Variants in INSR observed in about 807,000 individuals in gnomAD.
INSR encodes insulin receptor, also known as IR.
INSR carries 67 observed loss-of-function variants against 142.6 expected under a neutral mutation model. That is an observed-to-expected ratio of 0.47 (90% CI 0.39 to 0.58). The LOEUF is 0.58. INSR is among the 20% of genes least tolerant of loss of function. The pLI, the probability that INSR is intolerant of heterozygous loss-of-function variation, is 0.00. For synonymous variants in INSR, 756 were observed against 743.1 expected (o/e 1.02, Z -0.28); for missense variants, 1,248 against 1,833.2 (o/e 0.68, Z 5.83).
chr19:7,270,817 T>G (rs752938805), intron 1 of INSR, among the ~76,000 whole-genome samples: 1 of 150,306 alleles, frequency 6.7e-6, no homozygotes, highest in Non-Finnish European at 1.5e-5. Flanking sequence ...TCCCAGCACT[T>G]TGGGAGGCCA....
intron 2 of INSR, among the ~76,000 whole-genome samples, chr19:7,189,658 C>T (rs1198698929): frequency 6.7e-6 from 1 of 149,516 alleles, no homozygotes; most frequent in Non-Finnish European, 1.5e-5. Flanking sequence ...ATTGATTTTA[C>T]TATTACTTTT....
chr19:7,270,606 T>G (rs1283137951), intron 1 of INSR, among the ~76,000 whole-genome samples: 1 of 151,586 alleles, frequency 6.6e-6, no homozygotes, highest in African/African-American at 2.4e-5. Flanking sequence ...TAATAATAAT[T>G]AAATATCCAG....
intron 2 of INSR, among the ~76,000 whole-genome samples, chr19:7,217,875 G>C (rs1175880162): frequency 6.6e-6 from 1 of 152,002 alleles, no homozygotes; most frequent in Admixed American, 6.6e-5. Context: ...TTTTTCTTTT[G>C]TAAAAACAAA....
At position 7,149,932 on chromosome 19, in the gene INSR, AGAAAGAAGGAAGGAAGGAAGGAAGGAAG is replaced by A. The variant is rs1442775012; in HGVS notation, c.2267+537_2267+564del. ...AGGAAAGAAAGAAAGAAGGAAAAAA[AGAAAGAAGGAAGGAAGGAAGGAAGGAAG>A]GAAGGAAGGAAGGAAGGAAGGAAGG... On this transcript the variant is annotated intron_variant, in intron 11 of 21. Coordinates refer to ENST00000302850, the MANE Select transcript of INSR (RefSeq NM_000208.4). Among the ~76,000 whole-genome samples, 6 of 136,294 alleles carry A rather than the reference AGAAAGAAGGAAGGAAGGAAGGAAGGAAG, an allele frequency of 4.4e-5. No individual in the cohort carries two copies. In the East Asian group the frequency reaches 9.1e-4, roughly 21 times the overall value. 89.4% of individuals were successfully genotyped at this position (136,294 alleles called of 152,430 possible). A position where few individuals can be genotyped will look rare whatever the true frequency, so the allele number is the denominator to read the frequency against.
chr19:7,202,666 A>G (rs1303459760), intron 2 of INSR, among the ~76,000 whole-genome samples: 1 of 151,862 alleles, frequency 6.6e-6, no homozygotes, highest in Non-Finnish European at 1.5e-5. Context: ...ACCCTCAGCT[A>G]ATTTTTGTAC....
At chr19:7,274,527 G>A (rs538840863) in intron 1 of INSR, among the ~76,000 whole-genome samples, 27 of 151,928 alleles carry the variant, frequency 1.8e-4, no homozygotes, top group African/African-American at 4.6e-4. Context: ...TCGCCCAGGC[G>A]TGGTGGCTCA....
Position 7,184,324 on chromosome 19 carries a change from A to T in INSR, c.966T>A (p.Asn322Lys). The stretch of plus-strand genomic sequence containing the variant: ...CCACATCCAGAACTCACTTGCTGGA[A>T]TTCATCGTGTACCCGGAGGGACACT... Reference protein sequence around the residue: ...IPECPSGYTMNSSNLLCTPCL... With the variant: ...IPECPSGYTMKSSNLLCTPCL... The change falls in exon 3 of 22, where the codon AAT (asparagine) becomes AAA (lysine). Residue 322 changes from asparagine to lysine, a missense_variant. Transcript: ENST00000302850. The T allele has an allele frequency of 6.2e-7, 1 of 1,613,786 alleles. No homozygotes were observed. Among genetic ancestry groups the T allele is most frequent in the Non-Finnish European group, 8.5e-7 (1 of 1,179,978 alleles).
At chr19:7,146,395 C>A (rs1231658207) in intron 11 of INSR, among the ~76,000 whole-genome samples, 1 of 152,050 alleles carries the variant, frequency 6.6e-6, no homozygotes, top group Non-Finnish European at 1.5e-5. Flanking sequence ...GCGTGTGCCA[C>A]CATGTCTGGC....
At chr19:7,177,707 T>G (rs1406474789) in intron 3 of INSR, among the ~76,000 whole-genome samples, 2 of 138,806 alleles carry the variant, frequency 1.4e-5, no homozygotes, top group East Asian at 4.0e-4. Context: ...TTTGTATTTT[T>G]TTTTTTTTTT....
chr19:7,134,348 G>A (rs1972856340), intron 13 of INSR, among the ~76,000 whole-genome samples: 1 of 152,158 alleles, frequency 6.6e-6, no homozygotes, highest in African/African-American at 2.4e-5. Flanking sequence ...GCCTTTCCCT[G>A]CAACTCCCAG....
chr19:7,280,409 T>G (rs1968175499), intron 1 of INSR, among the ~76,000 whole-genome samples: 1 of 151,834 alleles, frequency 6.6e-6, no homozygotes, highest in African/African-American at 2.4e-5. Context: ...GAGACCCGTC[T>G]CTACCAAAAA....
At chr19:7,161,941 G>A (rs906223815) in intron 9 of INSR, among the ~76,000 whole-genome samples, 2 of 152,124 alleles carry the variant, frequency 1.3e-5, no homozygotes, top group Non-Finnish European at 2.9e-5. Context: ...CCAGCGCTTT[G>A]GGAGGCTGAG....
At chr19:7,185,942 C>T (rs1295590851) in intron 2 of INSR, among the ~76,000 whole-genome samples, 3 of 148,446 alleles carry the variant, frequency 2.0e-5, no homozygotes, top group Non-Finnish European at 4.4e-5. Flanking sequence ...TGCCTGTAAT[C>T]CTAGCACTTT....
At chr19:7,252,104 T>C (rs937935701) in intron 2 of INSR, among the ~76,000 whole-genome samples, 1 of 151,704 alleles carries the variant, frequency 6.6e-6, no homozygotes, top group African/African-American at 2.4e-5. Context: ...CGAAACCCTG[T>C]CTCTACTGAA....
chr19:7,226,364 C>A (rs1463238248), intron 2 of INSR, among the ~76,000 whole-genome samples: 1 of 137,588 alleles, frequency 7.3e-6, no homozygotes, highest in Non-Finnish European at 1.5e-5. Flanking sequence ...GAGCCAAGAT[C>A]GCACCACTGC....
chr19:7,185,463 C>A (rs1445337427), intron 2 of INSR, among the ~76,000 whole-genome samples: 1 of 148,938 alleles, frequency 6.7e-6, no homozygotes, highest in Non-Finnish European at 1.5e-5. Flanking sequence ...AATCTAGATA[C>A]TGTGGCCACT....
chr19:7,190,549 T>A (rs1974553896), intron 2 of INSR, among the ~76,000 whole-genome samples: 1 of 152,022 alleles, frequency 6.6e-6, no homozygotes, highest in Non-Finnish European at 1.5e-5. Flanking sequence ...TTTTTGTATT[T>A]TTAGTAGAGA....
chr19:7,177,510 G>C (rs1223987839), intron 3 of INSR, among the ~76,000 whole-genome samples: 1 of 151,488 alleles, frequency 6.6e-6, no homozygotes, highest in Non-Finnish European at 1.5e-5. Context: ...TTAAGTCAAT[G>C]GTTTTTTTGT....
At chr19:7,221,643 G>A (rs1975620932) in intron 2 of INSR, among the ~76,000 whole-genome samples, 1 of 151,654 alleles carries the variant, frequency 6.6e-6, no homozygotes, top group Non-Finnish European at 1.5e-5. Flanking sequence ...GAGAGGCGGA[G>A]GTTGCAGTGA....
Sources: allele counts gnomAD v4.1 joint callset (sites outside exome capture counted in the v4.1 genomes callset), GRCh38; gene constraint gnomAD v4.1.1; transcripts MANE v1.5; gene names NCBI Gene and HGNC (gene_info 2026-07-23, HGNC 2026-07-21).